The following DDC variants were observed in gnomAD, a reference collection of about 807,000 sequenced individuals.
The protein encoded by DDC is aromatic-L-amino-acid decarboxylase.
DDC carries 43 observed loss-of-function variants against 60.0 expected under a neutral mutation model. The ratio of observed to expected loss-of-function variants is 0.72; its 90% CI spans 0.56 to 0.92. DDC has a LOEUF of 0.92. DDC is among the 40% of genes least tolerant of loss of function. The pLI is 0.00. For synonymous variants in DDC, 232 were observed against 234.6 expected, an observed-to-expected ratio of 0.99 and a Z score of 0.10; for missense variants, 573 against 620.2, an observed-to-expected ratio of 0.92 and a Z score of 0.81.
intron 14 of DDC, among the ~76,000 whole-genome samples, chr7:50,461,055 AAAT>A (rs1355505133): frequency 6.3e-5 from 9 of 143,902 alleles, no homozygotes; most frequent in African/African-American, 2.5e-4. Flanking sequence ...ATAAAAAAAA[AAAT>A]AAATAAATAA....
chr7:50,499,138 G>T lies in DDC; in HGVS notation c.876+10C>A. The T allele has an allele frequency of 5.0e-6, 8 of 1,602,722 alleles. No individual in the cohort carries two copies. Among genetic ancestry groups the T allele is most frequent in the Non-Finnish European group, 6.8e-6 (8 of 1,169,720 alleles). ...AAAACAGCCTTAGGGAGAGCGAAGG[G>T]TGCACCTACCTCCACTCCATTCAGA... On this transcript the variant is annotated intron_variant, in intron 8 of 14. Transcript: ENST00000444124.
At chr7:50,540,615 C>A (rs148364075) in intron 2 of DDC, among the ~76,000 whole-genome samples, 2,185 of 152,324 alleles carry the variant, frequency 0.014, 41 homozygotes, top group African/African-American at 0.043. Context: ...TCCAGCCAAG[C>A]AGCTGGATCA....
intron 3 of DDC, 86 bp from the exon 4 acceptor site, chr7:50,538,065 C>T: frequency 1.1e-5 from 16 of 1,506,536 alleles, no homozygotes; most frequent in Non-Finnish European, 1.5e-5. Context: ...TTTAACCTTC[C>T]ACTAAAGCCC....
At chr7:50,466,494 A>G (rs1271445742) in intron 13 of DDC, among the ~76,000 whole-genome samples, 1 of 89,992 alleles carries the variant, frequency 1.1e-5, no homozygotes, top group Non-Finnish European at 2.2e-5. Flanking sequence ...CTCCAAAAAG[A>G]AAAAAAAAAA....
chr7:50,547,740 A>G (rs183282099), intron 1 of DDC, among the ~76,000 whole-genome samples: 51 of 152,214 alleles, frequency 3.4e-4, no homozygotes, highest in African/African-American at 1.1e-3. Context: ...TCATAATCGC[A>G]TGTATTAGCT....
At chr7:50,544,147 T>C in intron 1 of DDC, 34 bp from the exon 2 acceptor site, 1 of 1,536,988 alleles carries the variant, frequency 6.5e-7, no homozygotes, top group Non-Finnish European at 9.0e-7. Context: ...GAGCAAATTT[T>C]GCAACCTCTG....
intron 9 of DDC, among the ~76,000 whole-genome samples, chr7:50,483,882 C>A (rs1004863223): frequency 6.9e-5 from 10 of 144,096 alleles, no homozygotes; most frequent in Non-Finnish European, 1.1e-4. Flanking sequence ...CCAGCCTGGG[C>A]GACAGAGCAA....
At chr7:50,536,256 G>T (rs1005469547) in intron 4 of DDC, among the ~76,000 whole-genome samples, 1 of 152,020 alleles carries the variant, frequency 6.6e-6, no homozygotes, top group Non-Finnish European at 1.5e-5. Context: ...TGACCTGAAA[G>T]CCCCCTCCCT....
At chr7:50,532,385 GT>G (rs2044246786) in intron 4 of DDC, among the ~76,000 whole-genome samples, 1 of 152,198 alleles carries the variant, frequency 6.6e-6, no homozygotes, top group Non-Finnish European at 1.5e-5. Flanking sequence ...CAAAAATGAG[GT>G]TGTCTTTAAT....
intron 12 of DDC, among the ~76,000 whole-genome samples, chr7:50,469,065 G>A (rs555900391): frequency 6.0e-5 from 9 of 150,174 alleles, no homozygotes; most frequent in East Asian, 3.9e-4. Context: ...TCAGCCTCCC[G>A]AGTAGCTGGG....
rs11575328 is a variant in DDC at position 50,530,135 on chromosome 7, G to A, written c.436-793C>T. On this transcript the variant is annotated intron_variant, in intron 4 of 14. Coordinates refer to ENST00000444124, the MANE Select transcript of DDC (RefSeq NM_001082971.2). ...GCCAGGCATGGTGGCGTGCCTGGTA[G>A]TCCCAGCTACTCGAGAGGCTGAGGT... Among the ~76,000 whole-genome samples the A allele has an allele frequency of 1.9e-3, 287 of 152,166 alleles. 3 individuals are homozygous for A. The East Asian group carries it at 0.027, about 14-fold the overall frequency.
rs2043032003 is a variant in DDC, at chr7:50,492,840, G to A, written c.944+2510C>T. 8 of 1,539,288 alleles carry A rather than the reference G, an allele frequency of 5.2e-6. No individual in the cohort carries two copies. The East Asian group carries it at 1.9e-4, about 37-fold the overall frequency. On this transcript the variant is annotated intron_variant, in intron 9 of 14. Transcript: ENST00000444124. ...GAAGAGTTGTCCGGGAGAGATGAGCGCACAGCCGCCAACTTGCTGGCATCA... is the reference window on the plus strand; with the variant it reads ...GAAGAGTTGTCCGGGAGAGATGAGCACACAGCCGCCAACTTGCTGGCATCA...
chr7:50,476,540 T>C, intron 11 of DDC, 84 bp downstream of exon 11: 2 of 1,246,336 alleles, frequency 1.6e-6, no homozygotes. Context: ...ATCATGAGAG[T>C]GGGGGAGGAG....
chr7:50,482,914 T>C (rs1339314849), intron 9 of DDC, among the ~76,000 whole-genome samples: 1 of 152,222 alleles, frequency 6.6e-6, no homozygotes. Flanking sequence ...TAATAATACT[T>C]TGAGGATTCT....
chr7:50,483,414 T>C (rs951489983), intron 9 of DDC, among the ~76,000 whole-genome samples: 2 of 152,234 alleles, frequency 1.3e-5, no homozygotes, highest in Admixed American at 6.5e-5. Flanking sequence ...ATGTTTGACA[T>C]AGAATTTTTA....
At chr7:50,521,995 T>C (rs933139104) in intron 6 of DDC, among the ~76,000 whole-genome samples, 2 of 152,066 alleles carry the variant, frequency 1.3e-5, no homozygotes, top group African/African-American at 4.8e-5. Context: ...AAAAGTATCT[T>C]TGCAGATGAC....
At chr7:50,485,738 A>G (rs1034271905) in intron 9 of DDC, among the ~76,000 whole-genome samples, 2 of 152,100 alleles carry the variant, frequency 1.3e-5, no homozygotes, top group African/African-American at 4.8e-5. Flanking sequence ...CTGTCAAAAT[A>G]TTTATTTTTA....
intron 1 of DDC, among the ~76,000 whole-genome samples, chr7:50,563,326 C>G (rs2045379048): frequency 6.6e-6 from 1 of 152,150 alleles, no homozygotes; most frequent in Non-Finnish European, 1.5e-5. Flanking sequence ...CCACTTAAGA[C>G]ACTTAAGAAA....
intron 11 of DDC, among the ~76,000 whole-genome samples, chr7:50,476,199 A>G (rs1562987475): frequency 6.6e-6 from 1 of 152,238 alleles, no homozygotes; most frequent in East Asian, 1.9e-4. Flanking sequence ...AAAACGAGAG[A>G]GGACCAATGC....
Sources: gnomAD v4.1 joint callset for allele counts (sites outside exome capture counted in the v4.1 genomes callset) on GRCh38, gnomAD v4.1.1 for gene constraint, MANE v1.5 for transcripts, NCBI Gene and HGNC (gene_info 2026-07-23, HGNC 2026-07-21) for gene names.